The following NUP153 variants were observed in gnomAD, a reference collection of about 807,000 sequenced individuals.
The protein encoded by NUP153 is nuclear pore complex protein Nup153.
Under a neutral mutation model 134.6 loss-of-function variants are expected in NUP153, and 27 were observed. The ratio of observed to expected loss-of-function variants is 0.20; its 90% confidence interval spans 0.15 to 0.28. The LOEUF is 0.28. NUP153 is among the 10% of genes least tolerant of loss of function. The pLI, the probability that NUP153 is intolerant of heterozygous loss-of-function variation, is 1.00. For missense variants in NUP153, 1,821 were observed against 1,731.3 expected, an observed-to-expected ratio of 1.05 and a Z score of -0.92; for synonymous variants, 640 against 623.5, an observed-to-expected ratio of 1.03 and a Z score of -0.40.
At chr6:17,633,034 C>T (rs1765343651) in intron 16 of NUP153, among the ~76,000 whole-genome samples, 190 bp from the exon 17 acceptor site, 1 of 151,982 alleles carries the variant, frequency 6.6e-6, no homozygotes, top group South Asian at 2.1e-4. Flanking sequence ...AAGAATAGAC[C>T]TCTCTTTTAA....
Position 17,680,265 on chromosome 6 carries a change from C to T in NUP153, c.335-4495G>A, listed in dbSNP as rs1302642972. On this transcript the variant is annotated intron_variant, in intron 2 of 21. Transcript: ENST00000262077. This position sits in a 1 kb window ranked among gnomAD's most constrained non-coding sequence, Gnocchi z 4.5. ...AATACTGTAATAAAGACAGGCAATA[C>T]AGACCATGGACGTGAACACAGGGCC... is the stretch of plus-strand genomic sequence containing the variant. Among the ~76,000 whole-genome samples, 1 of 152,136 alleles carries T rather than the reference C, an allele frequency of 6.6e-6. No individual in the cohort carries two copies. Among genetic ancestry groups the T allele is most frequent in the African/African-American group, 2.4e-5 (1 of 41,408 alleles).
chr6:17,665,757 G>A (rs904845828), intron 8 of NUP153, among the ~76,000 whole-genome samples: 1 of 147,662 alleles, frequency 6.8e-6, no homozygotes, highest in African/African-American at 2.5e-5. Flanking sequence ...CTCCTGCTCT[G>A]TCACCCAGAC....
At chr6:17,666,931 T>C (rs1451314220) in intron 8 of NUP153, among the ~76,000 whole-genome samples, 1 of 152,224 alleles carries the variant, frequency 6.6e-6, no homozygotes, top group Admixed American at 6.5e-5. Context: ...AATGTGACCT[T>C]ACATACAACT....
At chr6:17,636,685 G>T (rs867839463) in intron 16 of NUP153, among the ~76,000 whole-genome samples, 6 of 152,164 alleles carry the variant, frequency 3.9e-5, no homozygotes, top group Non-Finnish European at 7.3e-5. Context: ...TGGCTGCCTA[G>T]ATTAGAATTA....
Position 17,637,644 on chromosome 6 carries a change from G to A in NUP153, c.1973C>T (p.Ala658Val), listed in dbSNP as rs138382230. ...SGIGFGESLKAGSSWQCDTCL... is the reference protein window; with the variant it reads ...SGIGFGESLKVGSSWQCDTCL... ...TGTATCACACTGCCATGATGACCCA[G>A]CTTTTAAACTCTCCCCAAACCCAAT... The change falls in exon 16 of 22, where the codon GCT becomes GTT. Residue 658 changes from alanine to valine, a missense_variant. Physicochemically the swap from Ala to Val is moderately conservative, Grantham distance 64 (BLOSUM62 0). Transcript: ENST00000262077. 5.6e-6 allele frequency: 9 copies of A among 1,613,774 alleles called. No homozygotes were observed. In the African/African-American group the frequency reaches 1.1e-4, roughly 19 times the overall value.
At chr6:17,637,795 C>A (rs1418843237) in intron 15 of NUP153, 25 bp from the exon 16 acceptor site, 1 of 1,565,860 alleles carries the variant, frequency 6.4e-7, no homozygotes, top group Non-Finnish European at 8.6e-7. Context: ...GGAGAGAGTG[C>A]AACGTTAGAG....
At position 17,616,173 on chromosome 6, in the gene NUP153, C is replaced by T; in HGVS notation, c.4352G>A (p.Gly1451Glu). Residue 1451 changes from glycine (G) to glutamate (E), a missense_variant, in exon 22 of 22, where the codon GGG (glycine) becomes GAG (glutamate). By Grantham distance (98) the Gly-to-Glu change is moderately conservative. Coordinates refer to ENST00000262077, the MANE Select transcript of NUP153 (RefSeq NM_005124.4). ...TCCAGAAGAAGAGAACACATTTTTC[C>T]CATTTGACCTGTGAAAAATAAAAAC... ...SPAAFTVGSN[G>E]KNVFSSSGTS... is the part of the protein sequence containing the mutation. 1 of 1,599,976 alleles carries T rather than the reference C, an allele frequency of 6.3e-7. No individual in the cohort carries two copies. The highest frequency in any genetic ancestry group is 8.5e-7 in the Non-Finnish European group (1 of 1,171,646).
chr6:17,634,802 C>T (rs377545409), intron 16 of NUP153, among the ~76,000 whole-genome samples: 27 of 152,194 alleles, frequency 1.8e-4, no homozygotes, highest in Admixed American at 3.9e-4. Flanking sequence ...TTATGTCCTC[C>T]ATTCCTTATT....
chr6:17,642,376 AAGAC>A (rs66939633), intron 14 of NUP153, among the ~76,000 whole-genome samples: 32,505 of 151,994 alleles, frequency 0.21, 4,000 homozygotes, highest in Non-Finnish European at 0.28. Flanking sequence ...CAGTAACAAA[AAGAC>A]AAACTGTTCA....
intron 1 of NUP153, among the ~76,000 whole-genome samples, chr6:17,702,341 G>A (rs1372928223): frequency 1.3e-5 from 2 of 151,980 alleles, no homozygotes; most frequent in African/African-American, 4.8e-5. Context: ...CCCCGTCTCT[G>A]CTAAAAATAC....
chr6:17,695,836 T>C (rs529037024), intron 1 of NUP153, among the ~76,000 whole-genome samples: 2 of 151,848 alleles, frequency 1.3e-5, no homozygotes, highest in Non-Finnish European at 2.9e-5. Context: ...GGTGAAACCC[T>C]GTCTCTACTA....
intron 15 of NUP153, among the ~76,000 whole-genome samples, chr6:17,637,998 T>A (rs1338296064): frequency 6.6e-6 from 1 of 152,234 alleles, no homozygotes; most frequent in East Asian, 1.9e-4. Flanking sequence ...TTACAGGATA[T>A]CACCTTCTCC....
At position 17,632,606 on chromosome 6, in the gene NUP153, A is replaced by G. The variant is rs1765312897; in HGVS notation, c.2659+44T>C. 4.0e-6 allele frequency: 6 copies of G among 1,489,064 alleles called. No homozygotes were observed. The Admixed American group carries it at 8.6e-5, about 21-fold the overall frequency. 92.2% of individuals were successfully genotyped at this position (1,489,064 alleles called of 1,614,324 possible). ...CTTCATTTTTAAATGGCCTTACAAA[A>G]AGGCGCTTTACCATCACCTTTATTT... On this transcript the variant is annotated intron_variant, in intron 17 of 21. Coordinates refer to ENST00000262077, the MANE Select transcript of NUP153 (RefSeq NM_005124.4).
chr6:17,666,256 C>A (rs968010805), intron 8 of NUP153, among the ~76,000 whole-genome samples: 1 of 152,130 alleles, frequency 6.6e-6, no homozygotes, highest in Admixed American at 6.6e-5. Context: ...GTGGCTCACA[C>A]CTGTAATCCC....
chr6:17,635,455 G>A (rs566411271), intron 16 of NUP153, among the ~76,000 whole-genome samples: 23 of 152,176 alleles, frequency 1.5e-4, no homozygotes, highest in African/African-American at 3.9e-4. Flanking sequence ...AGGCTGAAGC[G>A]CAGTAGCATG....
In NUP153 at chr6:17,675,415, C is replaced by A. The variant is rs375337834; in HGVS notation, c.584-47G>T. 339 of 1,574,678 alleles carry A rather than the reference C, an allele frequency of 2.2e-4. No homozygotes were observed. The highest frequency in any genetic ancestry group is 2.7e-4 in the Non-Finnish European group (317 of 1,162,634). On this transcript the variant is annotated intron_variant, in intron 3 of 21. Coordinates refer to ENST00000262077, the MANE Select transcript of NUP153 (RefSeq NM_005124.4). The surrounding 1 kb of genome is among the most constrained non-coding windows in gnomAD (Gnocchi z 4.4). ...CATAGTAATAACACCAATACAAGAG[C>A]CTAGATTTTTATAAATAGAAAATAA...
At chr6:17,697,587 TGAGG>T (rs1282227046) in intron 1 of NUP153, among the ~76,000 whole-genome samples, 4 of 152,004 alleles carry the variant, frequency 2.6e-5, no homozygotes, top group African/African-American at 9.7e-5. Flanking sequence ...CTTGAGAGGC[TGAGG>T]GAGGGAGAAT....
chr6:17,706,248 C>A lies in NUP153; in HGVS notation c.111+29G>T, dbSNP rs546053145. ...CCTCCAGCCGAGTTTCCCCACCCGC[C>A]AGGCCACCGCGGCGTCGGGGTCCCA... On this transcript the variant is annotated intron_variant, in intron 1 of 21. Transcript: ENST00000262077. This position sits in a 1 kb window ranked among gnomAD's most constrained non-coding sequence, Gnocchi z 5.9. The A allele has an allele frequency of 6.4e-7, 1 of 1,571,804 alleles. No individual in the cohort carries two copies. Among genetic ancestry groups the A allele is most frequent in the African/African-American group, 1.4e-5 (1 of 74,040 alleles).
At chr6:17,672,592 C>G (rs1767980574) in intron 5 of NUP153, among the ~76,000 whole-genome samples, 1 of 152,098 alleles carries the variant, frequency 6.6e-6, no homozygotes, top group Admixed American at 6.6e-5. Context: ...AAACACAGAA[C>G]AAAGACGGTG....
Sources: gnomAD v4.1 joint callset for allele counts (sites outside exome capture counted in the v4.1 genomes callset) on GRCh38, gnomAD v4.1.1 for gene constraint, Gnocchi (gnomAD v3.1) non-coding constraint, MANE v1.5 for transcripts, NCBI Gene and HGNC (gene_info 2026-07-23, HGNC 2026-07-21) for gene names.